ZBTB46: variants seen among roughly 807,000 people sequenced by gnomAD.
The protein encoded by ZBTB46 is zinc finger and BTB domain-containing protein 46.
In ZBTB46, 8 loss-of-function variants were observed where a neutral mutation model predicts 44.1. That is an observed-to-expected ratio of 0.18 (90% CI 0.11 to 0.33). The LOEUF (loss-of-function observed/expected upper bound fraction) is 0.33. ZBTB46 is among the 10% of genes least tolerant of loss of function. ZBTB46 has a pLI of 1.00. For synonymous variants in ZBTB46, 409 were observed against 382.3 expected (o/e 1.07, Z -0.81); for missense variants, 651 against 847.7 (o/e 0.77, Z 2.88).
intron 1 of ZBTB46, among the ~76,000 whole-genome samples, chr20:63,823,155 G>A (rs1200453514): frequency 1.3e-5 from 2 of 151,922 alleles, no homozygotes; most frequent in Admixed American, 1.3e-4. Context: ...GCGACAGAGC[G>A]AGACTCCACC....
At chr20:63,816,041 G>A (rs4991877) in intron 1 of ZBTB46, among the ~76,000 whole-genome samples, 23,247 of 141,180 alleles carry the variant, frequency 0.16, 2,450 homozygotes, top group East Asian at 0.43. Context: ...GCACAGGTGC[G>A]GTGGGTGCAG....
intron 3 of ZBTB46, among the ~76,000 whole-genome samples, chr20:63,753,897 C>T (rs554636487): frequency 1.3e-5 from 2 of 152,344 alleles, no homozygotes; most frequent in East Asian, 1.9e-4. Flanking sequence ...TCTGCCACCT[C>T]CTGAAGATAA....
chr20:63,769,246 T>G (rs1205758264), intron 3 of ZBTB46: 1 of 985,258 alleles, frequency 1.0e-6, no homozygotes, highest in African/African-American at 1.7e-5. Context: ...CCCTGGTGTC[T>G]TACCTGAGCT....
chr20:63,775,860 C>G lies in ZBTB46; in HGVS notation c.1040G>C (p.Ser347Thr), dbSNP rs143804321. ...TGGGGTGAGGGGAGGGCCCAGATAG[C>G]TGGCTTCTCCTCCCAGGAGACCCTC... Reference protein sequence around the residue: ...VEEGLLGGEASYLGPPLTPEK... With the variant: ...VEEGLLGGEATYLGPPLTPEK... Residue 347 changes from serine (S) to threonine (T), a missense_variant, in exon 3 of 5, where the codon AGC becomes ACC. By Grantham distance (58) the Ser-to-Thr change is moderately conservative. Transcript: ENST00000245663. 25 of 1,613,164 alleles carry G rather than the reference C, an allele frequency of 1.5e-5. No homozygotes were observed. Among genetic ancestry groups the G allele is most frequent in the Middle Eastern group, 1.6e-4 (1 of 6,078 alleles).
At chr20:63,804,301 C>G (rs1052294053) in intron 1 of ZBTB46, among the ~76,000 whole-genome samples, 3 of 152,158 alleles carry the variant, frequency 2.0e-5, no homozygotes, top group Non-Finnish European at 4.4e-5. Context: ...GCTCTGGGCA[C>G]CCAGGAGGGG....
At chr20:63,774,644 G>A (rs2092405319) in intron 3 of ZBTB46, among the ~76,000 whole-genome samples, 2 of 151,382 alleles carry the variant, frequency 1.3e-5, no homozygotes, top group Non-Finnish European at 2.9e-5. Context: ...GGGCCCACAT[G>A]AGCGCGAGAC....
At chr20:63,813,503 AG>A (rs1416858604) in intron 1 of ZBTB46, among the ~76,000 whole-genome samples, 1 of 152,156 alleles carries the variant, frequency 6.6e-6, no homozygotes, top group African/African-American at 2.4e-5. Context: ...TTCCAATGTA[AG>A]CATTGTGGCT....
Position 63,752,562 on chromosome 20 carries a change from G to A in ZBTB46, c.1398+124C>T. The A allele has an allele frequency of 3.4e-6, 4 of 1,188,432 alleles. No homozygotes were observed. The highest frequency in any genetic ancestry group is 3.3e-6 in the Non-Finnish European group (3 of 909,898). 73.6% of individuals were successfully genotyped at this position (1,188,432 alleles called of 1,614,324 possible). A position where few individuals can be genotyped will look rare whatever the true frequency, so the allele number is the denominator to read the frequency against. On this transcript the variant is annotated intron_variant, in intron 4 of 4. Transcript: ENST00000245663. This position sits in a 1 kb window ranked among gnomAD's most constrained non-coding sequence, Gnocchi z 5.6. ...GGGCGGATCTCCCTGCCCTGCTGTC[G>A]TCCCCCCTGTGCAGAGTGGACCCGG...
At position 63,752,568 on chromosome 20, in the gene ZBTB46, C is replaced by G. The variant is rs574994619; in HGVS notation, c.1398+118G>C. ...ATCTCCCTGCCCTGCTGTCGTCCCCCCTGTGCAGAGTGGACCCGGTGTGGG... is the reference window on the plus strand; with the variant it reads ...ATCTCCCTGCCCTGCTGTCGTCCCCGCTGTGCAGAGTGGACCCGGTGTGGG... On this transcript the variant is annotated intron_variant, in intron 4 of 4. Coordinates refer to ENST00000245663, the MANE Select transcript of ZBTB46 (RefSeq NM_001369741.1). This position sits in a 1 kb window ranked among gnomAD's most constrained non-coding sequence, Gnocchi z 5.6. The G allele has an allele frequency of 1.6e-6, 2 of 1,253,046 alleles. No individual in the cohort carries two copies. The highest frequency in any genetic ancestry group is 2.9e-5 in the East Asian group (1 of 34,640). 77.6% of individuals were successfully genotyped at this position (1,253,046 alleles called of 1,614,324 possible). A position where few individuals can be genotyped will look rare whatever the true frequency, so the allele number is the denominator to read the frequency against.
chr20:63,811,863 A>G (rs1416933881), intron 1 of ZBTB46, among the ~76,000 whole-genome samples: 1 of 152,184 alleles, frequency 6.6e-6, no homozygotes, highest in Non-Finnish European at 1.5e-5. Flanking sequence ...TAGCACATCT[A>G]TTTCACCAAC....
intron 3 of ZBTB46, among the ~76,000 whole-genome samples, chr20:63,758,208 C>T (rs2092241846): frequency 1.4e-5 from 2 of 145,580 alleles, no homozygotes; most frequent in African/African-American, 2.6e-5. Context: ...CCGTCCAGAG[C>T]TCACACTCCC....
In ZBTB46 at chr20:63,793,591, A is replaced by G. The variant is rs564274982; in HGVS notation, c.-33-2801T>C. On this transcript the variant is annotated intron_variant, in intron 1 of 4. Transcript: ENST00000245663. ...ACGTGAATAAAACGTCTCTTTATTC[A>G]TCAGGAAAACAGAGCCTGTAAGAAT... 3.4e-5 allele frequency among the ~76,000 whole-genome samples: 5 copies of G among 149,232 alleles called. No individual in the cohort carries two copies. In the East Asian group the frequency reaches 7.8e-4, roughly 23 times the overall value.
chr20:63,777,892 A>C (rs1194271445), intron 2 of ZBTB46, among the ~76,000 whole-genome samples: 1 of 152,196 alleles, frequency 6.6e-6, no homozygotes, highest in Non-Finnish European at 1.5e-5. Flanking sequence ...CAGACACAGA[A>C]CCACGCAGAG....
chr20:63,778,222 C>A (rs763523133), intron 2 of ZBTB46, among the ~76,000 whole-genome samples: 76 of 152,134 alleles, frequency 5.0e-4, no homozygotes, highest in Non-Finnish European at 8.8e-5. Context: ...ACAACAACAA[C>A]AAAAACAACA....
At chr20:63,759,859 A>T (rs765301780) in intron 3 of ZBTB46, among the ~76,000 whole-genome samples, 4 of 152,130 alleles carry the variant, frequency 2.6e-5, no homozygotes, top group Non-Finnish European at 5.9e-5. Context: ...AGGCTACTGA[A>T]TTTTATCAAA....
In ZBTB46 at chr20:63,772,287, T is replaced by C. The variant is rs968059074; in HGVS notation, c.1222+3391A>G. Among the ~76,000 whole-genome samples, 8 of 152,150 alleles carry C rather than the reference T, an allele frequency of 5.3e-5. No individual in the cohort carries two copies. The East Asian group carries it at 7.7e-4, about 15-fold the overall frequency. ...CTGAGATTACAGGTGTGAACCATCA[T>C]GCCTGGCCCAAAAGGGCAAATTCTT... On this transcript the variant is annotated intron_variant, in intron 3 of 4. Coordinates refer to ENST00000245663, the MANE Select transcript of ZBTB46 (RefSeq NM_001369741.1).
intron 1 of ZBTB46, among the ~76,000 whole-genome samples, chr20:63,820,108 G>C (rs1218158552): frequency 1.3e-5 from 2 of 150,012 alleles, no homozygotes; most frequent in South Asian, 2.1e-4. Context: ...TTTTTTTTTT[G>C]TTTGAGACGA....
rs914269908 is a variant in ZBTB46, at chr20:63,747,244, C to T, written c.1456G>A (p.Ala486Thr). ...CKVCSRVFMSAASVGIRHGSR... is the reference protein window; with the variant it reads ...CKVCSRVFMSTASVGIRHGSR... ...CCATGCCTGATGCCCACGCTGGCGG[C>T]GGACATGAAGACGCGGCTGCACACC... The change falls in exon 5 of 5, where the codon GCC (alanine) becomes ACC (threonine). Residue 486 changes from alanine (A) to threonine (T), a missense_variant. Ala to Thr is a moderately conservative substitution (Grantham distance 58). Transcript: ENST00000245663. 16 of 1,576,834 alleles carry T rather than the reference C, an allele frequency of 1.0e-5. No homozygotes were observed. The highest frequency in any genetic ancestry group is 1.4e-5 in the Non-Finnish European group (16 of 1,163,302).
At chr20:63,770,869 C>T (rs2145840367) in intron 3 of ZBTB46, among the ~76,000 whole-genome samples, 1 of 152,316 alleles carries the variant, frequency 6.6e-6, no homozygotes, top group South Asian at 2.1e-4. Context: ...GACAGGACAC[C>T]CTAGAGACCA....
Sources: gnomAD v4.1 joint callset for allele counts (sites outside exome capture counted in the v4.1 genomes callset) on GRCh38, gnomAD v4.1.1 for gene constraint, Gnocchi (gnomAD v3.1) non-coding constraint, MANE v1.5 for transcripts, NCBI Gene and HGNC (gene_info 2026-07-23, HGNC 2026-07-21) for gene names.